The following CPA6 variants were observed in gnomAD, a reference collection of about 807,000 sequenced individuals.
The protein encoded by CPA6 is carboxypeptidase A6.
Under a neutral mutation model 63.3 loss-of-function variants are expected in CPA6, and 58 were observed. That is an observed-to-expected ratio of 0.92 (90% CI 0.74 to 1.14). The LOEUF is 1.14. Ranked by LOEUF, CPA6 falls within the 50% of genes most tolerant of loss-of-function variation. The pLI, the probability that CPA6 is intolerant of heterozygous loss-of-function variation, is 0.00. For synonymous variants in CPA6, 185 were observed against 179.0 expected (o/e 1.03, Z -0.27); for missense variants, 565 against 526.6 (o/e 1.07, Z -0.71).
Position 67,506,897 on chromosome 8 carries a change from A to G in CPA6, c.535-9T>C. 2 of 1,601,994 alleles carry G rather than the reference A, an allele frequency of 1.2e-6. No individual in the cohort carries two copies. Among genetic ancestry groups the G allele is most frequent in the Non-Finnish European group, 1.7e-6 (2 of 1,169,086 alleles). ...CGTGATCGTCTGCCCAGCTGAAAACAAGAGCATTCACAGTAACCAACTCAG... is the reference window on the plus strand; with the variant it reads ...CGTGATCGTCTGCCCAGCTGAAAACGAGAGCATTCACAGTAACCAACTCAG... On this transcript the variant is annotated splice_polypyrimidine_tract_variant and intron_variant, in intron 5 of 10. Transcript: ENST00000297770.
At chr8:67,460,198 C>T (rs954325610) in intron 8 of CPA6, among the ~76,000 whole-genome samples, 3 of 152,194 alleles carry the variant, frequency 2.0e-5, no homozygotes, top group African/African-American at 4.8e-5. Context: ...AAGTATTATT[C>T]GTACTGGCCC....
At chr8:67,609,832 GT>G (rs1320141295) in intron 2 of CPA6, among the ~76,000 whole-genome samples, 2 of 152,120 alleles carry the variant, frequency 1.3e-5, no homozygotes, top group African/African-American at 4.8e-5. Flanking sequence ...GACCAACATG[GT>G]CAATATGGTG....
rs1161185974 is a variant in CPA6 at position 67,475,900 on chromosome 8, TTCTTTC to T, written c.838+7862_838+7867del. On this transcript the variant is annotated intron_variant, in intron 8 of 10. Transcript: ENST00000297770. ...CTTTCTCCTTTCTTTCTTTCTTTCT[TTCTTTC>T]TTTCTTTCTTTCTTTCTTTCTTTCT... Among the ~76,000 whole-genome samples the T allele has an allele frequency of 1.2e-4, 11 of 94,888 alleles. 1 individual carries two copies. Among genetic ancestry groups the T allele is most frequent in the Admixed American group, 2.2e-4 (2 of 9,156 alleles). 62.3% of individuals were successfully genotyped at this position (94,888 alleles called of 152,430 possible).
In CPA6 at chr8:67,480,223, G is replaced by T. The variant is rs555534739; in HGVS notation, c.838+3545C>A. Among the ~76,000 whole-genome samples the T allele has an allele frequency of 8.5e-5, 13 of 152,150 alleles. No individual in the cohort carries two copies. The South Asian group carries it at 2.5e-3, about 29-fold the overall frequency. The stretch of plus-strand genomic sequence containing the variant: ...TAATCAGCTATAATTCACATATTAT[G>T]AAATTCACCCTTTTAAAATGTACAA... On this transcript the variant is annotated intron_variant, in intron 8 of 10. Coordinates refer to ENST00000297770, the MANE Select transcript of CPA6 (RefSeq NM_020361.5).
chr8:67,512,911 T>C (rs1812070741), intron 3 of CPA6, among the ~76,000 whole-genome samples: 1 of 152,254 alleles, frequency 6.6e-6, no homozygotes. Context: ...TTTTCCATTC[T>C]ATGAAGAAAG....
intron 6 of CPA6, among the ~76,000 whole-genome samples, chr8:67,486,256 C>T (rs1369650919): frequency 6.6e-6 from 1 of 152,224 alleles, no homozygotes; most frequent in East Asian, 1.9e-4. Flanking sequence ...CGCAGTCATA[C>T]ACTATATAAC....
intron 1 of CPA6, among the ~76,000 whole-genome samples, chr8:67,734,017 G>A (rs1426759601): frequency 2.0e-5 from 3 of 150,034 alleles, no homozygotes; most frequent in African/African-American, 4.9e-5. Context: ...GGAAGTGCAG[G>A]CATGCGCCAC....
chr8:67,460,309 C>A (rs1225412588), intron 8 of CPA6, among the ~76,000 whole-genome samples: 1 of 152,090 alleles, frequency 6.6e-6, no homozygotes, highest in Non-Finnish European at 1.5e-5. Context: ...ATAAAAATTC[C>A]ATTTGTGTTT....
At chr8:67,608,463 G>A (rs1030071361) in intron 2 of CPA6, among the ~76,000 whole-genome samples, 17 of 152,234 alleles carry the variant, frequency 1.1e-4, no homozygotes, top group East Asian at 9.7e-4. Context: ...TCATCTTCCC[G>A]CTCCGTTCAC....
chr8:67,552,586 A>G (rs1364774306), intron 2 of CPA6, among the ~76,000 whole-genome samples: 6 of 151,856 alleles, frequency 4.0e-5, no homozygotes, highest in Non-Finnish European at 1.5e-5. Context: ...ATCCTGGCTA[A>G]CACAGTGAAA....
chr8:67,560,470 G>A (rs1813181481), intron 2 of CPA6, among the ~76,000 whole-genome samples: 1 of 152,140 alleles, frequency 6.6e-6, no homozygotes, highest in South Asian at 2.1e-4. Flanking sequence ...TCTTCACAGA[G>A]GCACAGAGCA....
intron 1 of CPA6, among the ~76,000 whole-genome samples, chr8:67,723,051 A>G (rs1817531646): frequency 6.6e-6 from 1 of 151,926 alleles, no homozygotes; most frequent in Admixed American, 6.6e-5. Context: ...CTCAAACTCT[A>G]TTTTCATTTT....
At chr8:67,657,447 T>C (rs1816011732) in intron 1 of CPA6, among the ~76,000 whole-genome samples, 1 of 152,156 alleles carries the variant, frequency 6.6e-6, no homozygotes, top group African/African-American at 2.4e-5. Flanking sequence ...TTAAAAAATA[T>C]CCTTTACTTT....
At chr8:67,496,715 C>A (rs980620035) in intron 6 of CPA6, among the ~76,000 whole-genome samples, 1 of 151,572 alleles carries the variant, frequency 6.6e-6, no homozygotes, top group African/African-American at 2.4e-5. Flanking sequence ...CATGTGCCAC[C>A]ACACCCGGCT....
chr8:67,715,037 T>G (rs1002552671), intron 1 of CPA6, among the ~76,000 whole-genome samples: 3 of 152,214 alleles, frequency 2.0e-5, no homozygotes, highest in Non-Finnish European at 4.4e-5. Flanking sequence ...GAACTACTCT[T>G]TGGCAGCTTA....
At chr8:67,686,987 T>C (rs1816721138) in intron 1 of CPA6, among the ~76,000 whole-genome samples, 2 of 152,208 alleles carry the variant, frequency 1.3e-5, no homozygotes, top group Non-Finnish European at 2.9e-5. Flanking sequence ...CAGTATTTAC[T>C]CAAGGTCTTC....
At chr8:67,475,307 G>C (rs1316065525) in intron 8 of CPA6, among the ~76,000 whole-genome samples, 1 of 152,184 alleles carries the variant, frequency 6.6e-6, no homozygotes, top group Non-Finnish European at 1.5e-5. Flanking sequence ...CCATCATCAA[G>C]AAGTCAGGCC....
At chr8:67,468,623 AAATAAT>A (rs1203310657) in intron 8 of CPA6, among the ~76,000 whole-genome samples, 6 of 149,978 alleles carry the variant, frequency 4.0e-5, no homozygotes, top group African/African-American at 1.2e-4. Flanking sequence ...AAATAAAATA[AAATAAT>A]AATAATAAGA....
intron 8 of CPA6, chr8:67,452,712 C>A (rs1327772121): frequency 6.6e-6 from 1 of 152,082 alleles, no homozygotes; most frequent in Non-Finnish European, 1.5e-5. Flanking sequence ...GAGAAAAGTG[C>A]CATGGAAACA....
Sources: gnomAD v4.1 joint callset for allele counts (sites outside exome capture counted in the v4.1 genomes callset) on GRCh38, gnomAD v4.1.1 for gene constraint, MANE v1.5 for transcripts, NCBI Gene and HGNC (gene_info 2026-07-23, HGNC 2026-07-21) for gene names.